Variants in HECA observed in about 807,000 individuals in gnomAD.
HECA encodes headcase protein homolog.
In HECA, 13 loss-of-function variants were observed where a neutral mutation model predicts 37.6. The ratio of observed to expected loss-of-function variants is 0.35; its 90% confidence interval spans 0.23 to 0.55. The LOEUF is 0.55. Ranked by LOEUF, HECA falls within the 20% of genes least tolerant of loss-of-function variation. HECA has a pLI of 0.90. For missense variants in HECA, 527 were observed against 701.9 expected (o/e 0.75, Z 2.82); for synonymous variants, 307 against 291.5 (o/e 1.05, Z -0.54).
At chr6:139,156,019 A>G (rs1236066057) in intron 1 of HECA, among the ~76,000 whole-genome samples, 1 of 151,674 alleles carries the variant, frequency 6.6e-6, no homozygotes, top group Non-Finnish European at 1.5e-5. Flanking sequence ...TTTATATTTT[A>G]TATGTTTCTA....
chr6:139,158,435 G>A (rs554341135), intron 1 of HECA, among the ~76,000 whole-genome samples: 119 of 151,476 alleles, frequency 7.9e-4, no homozygotes, highest in African/African-American at 2.8e-3. Context: ...CCTGGGAGGC[G>A]GAGCTTGCAG....
At chr6:139,156,348 ACGT>A (rs1774711899) in intron 1 of HECA, among the ~76,000 whole-genome samples, 1 of 152,114 alleles carries the variant, frequency 6.6e-6, no homozygotes, top group Non-Finnish European at 1.5e-5. Flanking sequence ...GACTACAGGC[ACGT>A]GCCACAACAC....
At chr6:139,174,044 C>G (rs908694276) in intron 2 of HECA, among the ~76,000 whole-genome samples, 1 of 152,128 alleles carries the variant, frequency 6.6e-6, no homozygotes, top group Non-Finnish European at 1.5e-5. Context: ...GCAGGAAGTC[C>G]TGCGTGAATA....
At position 139,137,228 on chromosome 6, in the gene HECA, T is replaced by A. The variant is rs564102888; in HGVS notation, c.271+1561T>A. Among the ~76,000 whole-genome samples the A allele has an allele frequency of 1.4e-3, 213 of 152,286 alleles. 7 individuals carry two copies. The South Asian group carries it at 0.042, about 30-fold the overall frequency. On this transcript the variant is annotated intron_variant, in intron 1 of 3. Transcript: ENST00000367658. ...GAGAGAAAGGTGCTCAGACTCTGGG[T>A]AGGACAGACTCCTAGCTCAGCCATT...
At chr6:139,153,209 A>G (rs1033505175) in intron 1 of HECA, 1 of 152,102 alleles carries the variant, frequency 6.6e-6, no homozygotes, top group Non-Finnish European at 1.5e-5. Flanking sequence ...GTATTAATCA[A>G]TCAAACTTTT....
At chr6:139,158,036 T>C (rs137967653) in intron 1 of HECA, among the ~76,000 whole-genome samples, 209 of 152,320 alleles carry the variant, frequency 1.4e-3, no homozygotes, top group African/African-American at 4.3e-3. Context: ...TAAAGTGATA[T>C]GGCATTTGTT....
chr6:139,139,192 T>C (rs1002716996), intron 1 of HECA, among the ~76,000 whole-genome samples: 5 of 152,194 alleles, frequency 3.3e-5, no homozygotes, highest in Non-Finnish European at 1.5e-5. Context: ...CAGATGGAGT[T>C]CGTTTGCATA....
At chr6:139,164,371 G>A (rs570905859) in intron 1 of HECA, among the ~76,000 whole-genome samples, 6 of 152,040 alleles carry the variant, frequency 3.9e-5, no homozygotes, top group Non-Finnish European at 5.9e-5. Flanking sequence ...ATGAACATTG[G>A]GGGTATCATG....
Position 139,166,400 on chromosome 6 carries a change from C to G in HECA, c.388C>G (p.His130Asp). The part of the protein sequence containing the change: ...NEHCPCSTWM[H>D]LQCFYEWESS... ...GCACTGCCCCTGCAGCACCTGGATGCACCTGCAGTGCTTCTACGAGTGGGA... is the reference window on the plus strand; with the variant it reads ...GCACTGCCCCTGCAGCACCTGGATGGACCTGCAGTGCTTCTACGAGTGGGA... Residue 130 changes from histidine (H) to aspartate (D), a missense_variant, in exon 2 of 4, where the codon CAC (histidine) becomes GAC (aspartate). This residue lies in a region of HECA where 172 missense variants were observed against 197.6 expected (regional missense o/e 0.87). Transcript: ENST00000367658. 2 of 1,614,214 alleles carry G rather than the reference C, an allele frequency of 1.2e-6. No individual in the cohort carries two copies. The highest frequency in any genetic ancestry group is 1.7e-6 in the Non-Finnish European group (2 of 1,180,024).
intron 1 of HECA, among the ~76,000 whole-genome samples, chr6:139,149,000 C>T (rs1046868047): frequency 2.0e-5 from 3 of 152,184 alleles, no homozygotes; most frequent in Non-Finnish European, 4.4e-5. Flanking sequence ...AGGCTGCAAA[C>T]TGAGGCCTCT....
intron 1 of HECA, among the ~76,000 whole-genome samples, chr6:139,138,618 C>G (rs1774478493): frequency 1.3e-5 from 2 of 152,208 alleles, no homozygotes; most frequent in Middle Eastern, 3.4e-3. Flanking sequence ...GTCAAGTGGG[C>G]ATAAATAAAT....
At chr6:139,154,607 G>C (rs1211272052) in intron 1 of HECA, among the ~76,000 whole-genome samples, 1 of 152,182 alleles carries the variant, frequency 6.6e-6, no homozygotes, top group South Asian at 2.1e-4. Flanking sequence ...TTACCTGTTG[G>C]GCAGACAAGG....
In HECA at chr6:139,135,259, A is replaced by C; in HGVS notation, c.-138A>C. On this transcript the variant is annotated 5_prime_UTR_variant, in exon 1 of 4. It removes the in-frame stop codon of an upstream open reading frame in the 5' UTR. Transcript: ENST00000367658. ...ATGGCGCGGCACGGGCCGTGCGGCTAGACGGGAGCCGAGGGAACCGCCGGC... is the reference window on the plus strand; with the variant it reads ...ATGGCGCGGCACGGGCCGTGCGGCTCGACGGGAGCCGAGGGAACCGCCGGC... 1 of 622,072 alleles carries C rather than the reference A, an allele frequency of 1.6e-6. No individual in the cohort carries two copies. The highest frequency in any genetic ancestry group is 2.1e-6 in the Non-Finnish European group (1 of 473,508). The allele number at this position is 622,072 out of a possible 1,614,324, so 38.5% of individuals were successfully genotyped here. A position where few individuals can be genotyped will look rare whatever the true frequency, so the allele number is the denominator to read the frequency against.
intron 1 of HECA, among the ~76,000 whole-genome samples, chr6:139,163,297 G>C (rs1166560277): frequency 6.6e-6 from 1 of 151,990 alleles, no homozygotes; most frequent in African/African-American, 2.4e-5. Context: ...GTAGTGCAGA[G>C]GTGGAGAAGC....
At chr6:139,137,376 C>G (rs547027635) in intron 1 of HECA, among the ~76,000 whole-genome samples, 1 of 152,232 alleles carries the variant, frequency 6.6e-6, no homozygotes, top group South Asian at 2.1e-4. Context: ...TGCCCCTTCC[C>G]TATTATGCTC....
chr6:139,168,337 T>C (rs1774922290), intron 2 of HECA, among the ~76,000 whole-genome samples: 1 of 152,118 alleles, frequency 6.6e-6, no homozygotes, highest in Non-Finnish European at 1.5e-5. Context: ...AGCCAAGAAG[T>C]ATAGGGTTTT....
chr6:139,171,854 G>A (rs1774978347), intron 2 of HECA, among the ~76,000 whole-genome samples: 1 of 150,612 alleles, frequency 6.6e-6, no homozygotes, highest in African/African-American at 2.4e-5. Flanking sequence ...TTTTTGTGAC[G>A]GGGTTTCACT....
chr6:139,146,523 A>G (rs1774585289), intron 1 of HECA, among the ~76,000 whole-genome samples: 1 of 152,228 alleles, frequency 6.6e-6, no homozygotes, highest in Non-Finnish European at 1.5e-5. Context: ...ACAGCTCAGT[A>G]GGCAGAAGTC....
In HECA at chr6:139,166,566, T is replaced by G; in HGVS notation, c.554T>G (p.Leu185Trp). ...FCSCRCGQGH[L>W]KKDTDWYQVK... ...TCTTGCCGCTGTGGCCAGGGCCACT[T>G]GAAGAAGGACACAGACTGGTATCAG... The change falls in exon 2 of 4, where the codon TTG (leucine) becomes TGG (tryptophan). Residue 185 changes from leucine to tryptophan, a missense_variant. Around this residue, in one of 4 missense-constraint regions of HECA, gnomAD observed 228 missense variants for 259.8 expected, o/e 0.88. Coordinates refer to ENST00000367658, the MANE Select transcript of HECA (RefSeq NM_016217.3). 6.2e-7 allele frequency: 1 copy of G among 1,614,208 alleles called. No homozygotes were observed. The highest frequency in any genetic ancestry group is 8.5e-7 in the Non-Finnish European group (1 of 1,180,050).
Sources: allele counts gnomAD v4.1 joint callset (sites outside exome capture counted in the v4.1 genomes callset), GRCh38; gene constraint gnomAD v4.1.1; regional missense constraint gnomAD v4.1.1; transcripts MANE v1.5; gene names NCBI Gene and HGNC (gene_info 2026-07-23, HGNC 2026-07-21).